The following GAD1 variants were observed in gnomAD, a reference collection of about 807,000 sequenced individuals.
GAD1 encodes the protein glutamate decarboxylase 1, also known as 67 kDa glutamic acid decarboxylase.
In GAD1, 35 loss-of-function variants were observed where a neutral mutation model predicts 75.2. The ratio of observed to expected loss-of-function variants is 0.47; its 90% CI spans 0.36 to 0.62. The LOEUF is 0.62. Ranked by LOEUF, GAD1 falls within the 20% of genes least tolerant of loss-of-function variation. GAD1 has a pLI of 0.00. For synonymous variants in GAD1, 257 were observed against 271.9 expected (o/e 0.95, Z 0.54); for missense variants, 490 against 758.5 (o/e 0.65, Z 4.16).
intron 13 of GAD1, 98 bp downstream of exon 13, chr2:170,852,890 T>C: frequency 9.6e-7 from 1 of 1,044,898 alleles, no homozygotes; most frequent in Non-Finnish European, 1.5e-6. Flanking sequence ...GTTGGCTGAC[T>C]CACGAGATTG....
At chr2:170,832,309 C>T (rs1391028415) in intron 5 of GAD1, among the ~76,000 whole-genome samples, 3 of 152,114 alleles carry the variant, frequency 2.0e-5, no homozygotes, top group Non-Finnish European at 1.5e-5. Context: ...TACCAGCTTC[C>T]AGGTGTTGTG....
In GAD1 at chr2:170,818,554, G is replaced by C. The variant is rs1242821950; in HGVS notation, c.-38G>C. On this transcript the variant is annotated 5_prime_UTR_variant, in exon 2 of 17. Transcript: ENST00000358196. The surrounding 1 kb of genome is among the most constrained non-coding windows in gnomAD (Gnocchi z 5.9). ...CCTGTTTCTGCGCCGGACCAGTCGA[G>C]GACTCTGGACAGTAGAGGCCCCGGG... 6.3e-7 allele frequency: 1 copy of C among 1,587,862 alleles called. No individual in the cohort carries two copies. Among genetic ancestry groups the C allele is most frequent in the Non-Finnish European group, 8.6e-7 (1 of 1,156,144 alleles).
At chr2:170,825,923 G>T (rs1559270455) in intron 3 of GAD1, among the ~76,000 whole-genome samples, 1 of 152,132 alleles carries the variant, frequency 6.6e-6, no homozygotes, top group Non-Finnish European at 1.5e-5. Context: ...CTTCTTACAG[G>T]ACCCCTTGCT....
intron 2 of GAD1, among the ~76,000 whole-genome samples, chr2:170,819,221 T>C (rs1701798960): frequency 6.6e-6 from 1 of 151,968 alleles, no homozygotes. Flanking sequence ...TAGGGAGAAG[T>C]CAGGGGCGGG....
intron 15 of GAD1, among the ~76,000 whole-genome samples, chr2:170,857,886 A>G (rs1183002658): frequency 8.5e-5 from 13 of 152,352 alleles, no homozygotes; most frequent in African/African-American, 4.8e-5. Context: ...CTCTGACCCA[A>G]TGGAGCTTAC....
At chr2:170,832,432 C>T (rs1702254433) in intron 5 of GAD1, among the ~76,000 whole-genome samples, 1 of 152,120 alleles carries the variant, frequency 6.6e-6, no homozygotes, top group South Asian at 2.1e-4. Context: ...TATAAGAATG[C>T]CAGTCGTTGG....
chr2:170,841,400 C>A (rs1197267976), intron 6 of GAD1, among the ~76,000 whole-genome samples: 1 of 152,108 alleles, frequency 6.6e-6, no homozygotes, highest in Non-Finnish European at 1.5e-5. Flanking sequence ...GATCTGTAAT[C>A]CCAATTAGGT....
At chr2:170,847,654 C>A (rs2105801782) in intron 10 of GAD1, 22 bp from the exon 11 acceptor site, 1 of 1,438,552 alleles carries the variant, frequency 7.0e-7, no homozygotes, top group Non-Finnish European at 9.8e-7. Flanking sequence ...ACTCATCAGC[C>A]TATATCTGTC....
intron 10 of GAD1, among the ~76,000 whole-genome samples, chr2:170,846,492 C>T (rs750065545): frequency 4.1e-4 from 62 of 152,352 alleles, no homozygotes; most frequent in Non-Finnish European, 7.8e-4. Flanking sequence ...TTGGCACATC[C>T]AGCCTCAACA....
chr2:170,819,230 G>C (rs1436449447), intron 2 of GAD1, among the ~76,000 whole-genome samples: 1 of 152,008 alleles, frequency 6.6e-6, no homozygotes, highest in African/African-American at 2.4e-5. Context: ...GTCAGGGGCG[G>C]GAAAGGTGCA....
chr2:170,856,385 AT>A (rs1403391568), intron 14 of GAD1, among the ~76,000 whole-genome samples: 2 of 152,256 alleles, frequency 1.3e-5, no homozygotes, highest in African/African-American at 2.4e-5. Context: ...TAACACTGTT[AT>A]GTGGAAGGTT....
At chr2:170,823,211 C>A (rs1479158227) in intron 3 of GAD1, among the ~76,000 whole-genome samples, 1 of 152,196 alleles carries the variant, frequency 6.6e-6, no homozygotes, top group Non-Finnish European at 1.5e-5. Context: ...CGGGAGATAG[C>A]GGCAGAGCAG....
At chr2:170,817,573 G>T (rs576302374) in intron 1 of GAD1, 35 of 152,388 alleles carry the variant, frequency 2.3e-4, no homozygotes, top group African/African-American at 7.9e-4. Context: ...AGATTAGCCC[G>T]CAATCTCTCT....
At chr2:170,839,268 C>T (rs763309041) in intron 6 of GAD1, among the ~76,000 whole-genome samples, 6 of 152,130 alleles carry the variant, frequency 3.9e-5, no homozygotes, top group African/African-American at 4.8e-5. Flanking sequence ...TTAAAAAGAA[C>T]GATCCAATAA....
At chr2:170,857,883 C>T (rs1484498144) in intron 15 of GAD1, among the ~76,000 whole-genome samples, 1 of 152,116 alleles carries the variant, frequency 6.6e-6, no homozygotes, top group Non-Finnish European at 1.5e-5. Flanking sequence ...ATTCTCTGAC[C>T]CAATGGAGCT....
At chr2:170,833,416 C>T (rs1274453573) in intron 5 of GAD1, among the ~76,000 whole-genome samples, 1 of 152,352 alleles carries the variant, frequency 6.6e-6, no homozygotes, top group East Asian at 1.9e-4. Flanking sequence ...TATCAATTTA[C>T]ATTTAGTTAC....
intron 3 of GAD1, among the ~76,000 whole-genome samples, chr2:170,824,376 C>T (rs981110419): frequency 9.3e-6 from 1 of 107,110 alleles, no homozygotes; most frequent in African/African-American, 3.5e-5. Context: ...TCCCTGCCTG[C>T]CTACACACAC....
intron 10 of GAD1, 105 bp from the exon 11 acceptor site, chr2:170,847,571 C>A: frequency 2.4e-6 from 2 of 836,248 alleles, no homozygotes; most frequent in Non-Finnish European, 4.2e-6. Flanking sequence ...TAAGTTTTGC[C>A]ATTTACTGTT....
At position 170,860,799 on chromosome 2, in the gene GAD1, G is replaced by T. The variant is rs1166911597; in HGVS notation, c.*917G>T. On this transcript the variant is annotated 3_prime_UTR_variant, in exon 17 of 17. Coordinates refer to ENST00000358196, the MANE Select transcript of GAD1 (RefSeq NM_000817.3). ...TTTAAGCATTTTACTGTCTGTAAGA[G>T]AATTCTAAGATTGTACATAAAGTCA... 6.6e-6 allele frequency: 1 copy of T among 152,588 alleles called. No homozygotes were observed. The highest frequency in any genetic ancestry group is 2.4e-5 in the African/African-American group (1 of 41,436). 9.5% of individuals were successfully genotyped at this position (152,588 alleles called of 1,614,324 possible). A position where few individuals can be genotyped will look rare whatever the true frequency, so the allele number is the denominator to read the frequency against.
Sources: allele counts gnomAD v4.1 joint callset (sites outside exome capture counted in the v4.1 genomes callset), GRCh38; gene constraint gnomAD v4.1.1; non-coding constraint Gnocchi (gnomAD v3.1); transcripts MANE v1.5; gene names NCBI Gene and HGNC (gene_info 2026-07-23, HGNC 2026-07-21).